ZNF398: variants seen among roughly 807,000 people sequenced by gnomAD.
ZNF398 encodes zinc finger protein 398.
In ZNF398, 18 loss-of-function variants were observed where a neutral mutation model predicts 41.9. The ratio of observed to expected loss-of-function variants is 0.43; its 90% confidence interval spans 0.30 to 0.64. The LOEUF is 0.64. ZNF398 is among the 30% of genes least tolerant of loss of function. ZNF398 has a pLI of 0.14. For missense variants in ZNF398, 669 were observed against 822.8 expected (o/e 0.81, Z 2.29); for synonymous variants, 260 against 308.8 (o/e 0.84, Z 1.66).
intron 2 of ZNF398, among the ~76,000 whole-genome samples, chr7:149,159,729 AT>A (rs938858950): frequency 1.5e-4 from 22 of 148,594 alleles, no homozygotes; most frequent in Admixed American, 1.0e-3. Flanking sequence ...AAAAAAAAAA[AT>A]TTTTTTTTTT....
At chr7:149,174,993 C>A (rs890853107) in intron 4 of ZNF398, among the ~76,000 whole-genome samples, 1 of 152,068 alleles carries the variant, frequency 6.6e-6, no homozygotes, top group Non-Finnish European at 1.5e-5. Context: ...TAAGATTGGA[C>A]TATGTTTAAT....
intron 1 of ZNF398, among the ~76,000 whole-genome samples, chr7:149,126,815 G>A (rs939715097): frequency 6.6e-6 from 1 of 152,058 alleles, no homozygotes; most frequent in Non-Finnish European, 1.5e-5. Flanking sequence ...CGCGGAGGCC[G>A]TGTGGGCCCC....
At chr7:149,136,867 C>CT (rs143502050) in intron 2 of ZNF398, among the ~76,000 whole-genome samples, 5,966 of 136,042 alleles carry the variant, frequency 0.044, 195 homozygotes, top group African/African-American at 0.09. Flanking sequence ...CGCGCTGGGC[C>CT]TTTTTTTTTT....
upstream of ZNF398, among the ~76,000 whole-genome samples, chr7:149,143,768 C>T (rs35883414): frequency 0.076 from 11,537 of 152,106 alleles, 445 homozygotes; most frequent in Middle Eastern, 0.092. Context: ...GCAGAGATTG[C>T]GCCATTCCAC....
chr7:149,143,583 G>A (rs764897812), upstream of ZNF398, among the ~76,000 whole-genome samples: 12 of 152,200 alleles, frequency 7.9e-5, no homozygotes, highest in Non-Finnish European at 1.5e-4. Context: ...GGAGGCCGAG[G>A]TGGGCAGATC....
intron 2 of ZNF398, among the ~76,000 whole-genome samples, chr7:149,139,878 A>G (rs1333454473): frequency 6.6e-6 from 1 of 150,854 alleles, no homozygotes; most frequent in African/African-American, 2.4e-5. Context: ...GGTGGCGGGC[A>G]CCTGTGGTCC....
intron 1 of ZNF398, among the ~76,000 whole-genome samples, chr7:149,153,020 G>A (rs774326759): frequency 2.0e-5 from 3 of 151,684 alleles, no homozygotes; most frequent in Admixed American, 6.6e-5. Flanking sequence ...ACCATCACCC[G>A]GCTAATTTTT....
At chr7:149,151,959 A>G (rs1323224918) in intron 1 of ZNF398, among the ~76,000 whole-genome samples, 1 of 152,036 alleles carries the variant, frequency 6.6e-6, no homozygotes, top group Non-Finnish European at 1.5e-5. Context: ...GTGGCCGGGC[A>G]CGGTGGCTCA....
rs752784608 is a variant in ZNF398, at chr7:149,181,112, A to G, written c.*1311A>G. On this transcript the variant is annotated 3_prime_UTR_variant, in exon 6 of 6. Coordinates refer to ENST00000475153, the MANE Select transcript of ZNF398 (RefSeq NM_170686.3). ...ACTGGGCCTAAGTTCTGTTTCCTTT[A>G]TGGATCTCAAATTTTCATCTGCACA... 4 of 152,544 alleles carry G rather than the reference A, an allele frequency of 2.6e-5. No individual in the cohort carries two copies. The highest frequency in any genetic ancestry group is 4.4e-5 in the Non-Finnish European group (3 of 68,022). 9.4% of individuals were successfully genotyped at this position (152,544 alleles called of 1,614,324 possible). A position where few individuals can be genotyped will look rare whatever the true frequency, so the allele number is the denominator to read the frequency against.
intron 4 of ZNF398, among the ~76,000 whole-genome samples, chr7:149,175,220 G>A (rs1328817167): frequency 1.3e-5 from 2 of 152,052 alleles, no homozygotes; most frequent in Non-Finnish European, 2.9e-5. Flanking sequence ...CTGTTAATTT[G>A]CTGTGAATTA....
At chr7:149,172,071 T>C (rs142912816) in intron 4 of ZNF398, among the ~76,000 whole-genome samples, 3 of 152,292 alleles carry the variant, frequency 2.0e-5, no homozygotes, top group South Asian at 2.1e-4. Flanking sequence ...TTTGTACTAC[T>C]ATACAAATGT....
chr7:149,147,160 A>C (rs574166401), upstream of ZNF398: 9 of 152,422 alleles, frequency 5.9e-5, no homozygotes, highest in African/African-American at 2.2e-4. This position sits in a 1 kb window ranked among gnomAD's most constrained non-coding sequence, Gnocchi z 5.6. Flanking sequence ...TGTTGCCTGC[A>C]GACGGCGCCT....
At position 149,160,300 on chromosome 7, in the gene ZNF398, G is replaced by A. The variant is rs1366684197; in HGVS notation, c.421-5858G>A. Among the ~76,000 whole-genome samples, 35 of 152,092 alleles carry A rather than the reference G, an allele frequency of 2.3e-4. 1 individual carries two copies. The highest frequency in any genetic ancestry group is 7.2e-5 in the African/African-American group (3 of 41,418). Reference sequence around the variant, plus strand: ...CAAAAAAGTAGCCAGATGTGGTGGTGGGGGCCTGTAGTCCCAGCTACTTGG... The same window carrying A: ...CAAAAAAGTAGCCAGATGTGGTGGTAGGGGCCTGTAGTCCCAGCTACTTGG... On this transcript the variant is annotated intron_variant, in intron 2 of 5. Coordinates refer to ENST00000475153, the MANE Select transcript of ZNF398 (RefSeq NM_170686.3).
upstream of ZNF398, among the ~76,000 whole-genome samples, chr7:149,143,124 G>C (rs941769972): frequency 7.0e-6 from 1 of 143,552 alleles, no homozygotes; most frequent in African/African-American, 2.5e-5. Flanking sequence ...GCGGTGGCCA[G>C]AGCGAGACTC....
At chr7:149,156,087 A>G (rs1437413167) in intron 2 of ZNF398, among the ~76,000 whole-genome samples, 3 of 152,084 alleles carry the variant, frequency 2.0e-5, no homozygotes, top group African/African-American at 7.2e-5. Context: ...TAGGGGAAGA[A>G]CTGAAGAAGG....
intron 4 of ZNF398, 28 bp downstream of exon 4, chr7:149,166,958 T>G: frequency 1.3e-6 from 2 of 1,504,718 alleles, no homozygotes; most frequent in Non-Finnish European, 9.1e-7. Context: ...TTCCTACTTC[T>G]TGTCTCCCTT....
chr7:149,132,901 T>A (rs896121278), intron 2 of ZNF398, among the ~76,000 whole-genome samples: 1 of 152,192 alleles, frequency 6.6e-6, no homozygotes, highest in African/African-American at 2.4e-5. Flanking sequence ...CAGCTCATTT[T>A]TACAGGCTCC....
chr7:149,169,271 G>A (rs1314922628), intron 4 of ZNF398, among the ~76,000 whole-genome samples: 1 of 152,050 alleles, frequency 6.6e-6, no homozygotes, highest in African/African-American at 2.4e-5. Flanking sequence ...TTTTAGTAAC[G>A]ATGGGGTTTT....
rs535953393 is a variant in ZNF398 at position 149,180,020 on chromosome 7, G to A, written c.*219G>A. ...GAAACCCAGAAAGACCTGGAAAGGA[G>A]CCCAGCATGTCCATCTTTTCAAAGA... On this transcript the variant is annotated 3_prime_UTR_variant, in exon 6 of 6. Coordinates refer to ENST00000475153, the MANE Select transcript of ZNF398 (RefSeq NM_170686.3). 8.7e-6 allele frequency: 4 copies of A among 462,004 alleles called. No homozygotes were observed. In the South Asian group the frequency reaches 1.5e-4, roughly 17 times the overall value. 28.6% of individuals were successfully genotyped at this position (462,004 alleles called of 1,614,324 possible). A position where few individuals can be genotyped will look rare whatever the true frequency, so the allele number is the denominator to read the frequency against.
Sources: allele counts gnomAD v4.1 joint callset (sites outside exome capture counted in the v4.1 genomes callset), GRCh38; gene constraint gnomAD v4.1.1; non-coding constraint Gnocchi (gnomAD v3.1); transcripts MANE v1.5; gene names NCBI Gene and HGNC (gene_info 2026-07-23, HGNC 2026-07-21).